Variants in SLC9A8 observed in about 807,000 individuals in gnomAD.
SLC9A8 encodes sodium/hydrogen exchanger 8.
SLC9A8 carries 48 observed loss-of-function variants against 66.6 expected under a neutral mutation model. That is an observed-to-expected ratio of 0.72 (90% CI 0.57 to 0.92). The LOEUF (loss-of-function observed/expected upper bound fraction) is 0.92, where lower values mean the gene tolerates loss of function less well. SLC9A8 is among the 40% of genes least tolerant of loss of function. The probability of loss-of-function intolerance (pLI) is 0.00; values close to 1 mark genes in which losing one functional copy is unlikely to be tolerated. For missense variants in SLC9A8, 599 were observed against 747.3 expected (o/e 0.80, Z 2.31); for synonymous variants, 274 against 282.6 (o/e 0.97, Z 0.31).
At chr20:49,870,348 T>C (rs973196584) in intron 10 of SLC9A8, among the ~76,000 whole-genome samples, 1 of 152,122 alleles carries the variant, frequency 6.6e-6, no homozygotes, top group Admixed American at 6.5e-5. Context: ...AGAGAATGGA[T>C]GGGATCTCAG....
chr20:49,884,935 C>G (rs1461637690), intron 14 of SLC9A8, among the ~76,000 whole-genome samples: 1 of 152,248 alleles, frequency 6.6e-6, no homozygotes, highest in Non-Finnish European at 1.5e-5. Flanking sequence ...GGACATGCAT[C>G]TCTTTCTAGT....
intron 11 of SLC9A8, among the ~76,000 whole-genome samples, chr20:49,875,414 G>A (rs1173866833): frequency 1.3e-5 from 2 of 152,092 alleles, no homozygotes; most frequent in African/African-American, 2.4e-5. Flanking sequence ...AATCCTTAAC[G>A]GGGGATATAG....
chr20:49,832,664 G>T (rs2087255677), intron 3 of SLC9A8, among the ~76,000 whole-genome samples: 1 of 152,126 alleles, frequency 6.6e-6, no homozygotes, highest in African/African-American at 2.4e-5. Context: ...AGAAGACGAG[G>T]TGGGAGGGCA....
intron 3 of SLC9A8, among the ~76,000 whole-genome samples, chr20:49,832,112 G>A (rs576553271): frequency 6.6e-6 from 1 of 152,212 alleles, no homozygotes; most frequent in South Asian, 2.1e-4. Context: ...AGCCTGCCCT[G>A]CCAAGCCCCT....
chr20:49,887,847 A>G lies in SLC9A8; in HGVS notation c.1657A>G (p.Ile553Val). ...GACCCAGGACCTGCACCACGGGCGC[A>G]TCCAGATGAAAACTCTCACCAACAA... ...LTQEDLHHGR[I>V]QMKTLTNKWY... is the part of the protein sequence containing the mutation. Residue 553 changes from isoleucine to valine, a missense_variant, in exon 16 of 16, where the codon ATC becomes GTC. Around this residue, in one of 2 missense-constraint regions of SLC9A8, gnomAD observed 467 missense variants for 626.5 expected, o/e 0.75. Coordinates refer to ENST00000361573, the MANE Select transcript of SLC9A8 (RefSeq NM_015266.3). 6.2e-7 allele frequency: 1 copy of G among 1,611,306 alleles called. No homozygotes were observed. Among genetic ancestry groups the G allele is most frequent in the South Asian group, 1.1e-5 (1 of 90,770 alleles).
At chr20:49,830,496 G>A (rs986802818) in intron 3 of SLC9A8, 19 of 775,458 alleles carry the variant, frequency 2.5e-5, no homozygotes, top group Non-Finnish European at 4.1e-5. Context: ...AAAGTGCTAC[G>A]TGGACATGTC....
At chr20:49,875,599 C>T (rs1183770456) in intron 11 of SLC9A8, among the ~76,000 whole-genome samples, 1 of 152,106 alleles carries the variant, frequency 6.6e-6, no homozygotes, top group African/African-American at 2.4e-5. Context: ...TCCGACATAC[C>T]CATGTATCTC....
intron 3 of SLC9A8, chr20:49,830,782 C>G: frequency 1.1e-6 from 1 of 874,318 alleles, no homozygotes; most frequent in Non-Finnish European, 1.9e-6. Context: ...GCCATGATCA[C>G]TGAGGTGCTG....
intron 6 of SLC9A8, 37 bp from the exon 7 acceptor site, chr20:49,850,773 T>G (rs754330344): frequency 1.0e-4 from 164 of 1,602,018 alleles, no homozygotes; most frequent in Non-Finnish European, 1.4e-4. Flanking sequence ...GTTTTTTTTT[T>G]GTGTGTGTCT....
At chr20:49,877,374 G>T (rs963773635) in intron 11 of SLC9A8, among the ~76,000 whole-genome samples, 23 of 152,122 alleles carry the variant, frequency 1.5e-4, no homozygotes, top group African/African-American at 5.1e-4. Context: ...AGAGAGCCTA[G>T]TGTTAGAAAT....
chr20:49,814,496 A>C (rs1229389206), intron 1 of SLC9A8, among the ~76,000 whole-genome samples: 1 of 152,160 alleles, frequency 6.6e-6, no homozygotes, highest in East Asian at 1.9e-4. Context: ...CGGGTGTGGT[A>C]AGATGGGGTA....
rs770123136 is a variant in SLC9A8, at chr20:49,815,111, C to T, written c.130C>T (p.Pro44Ser). Residue 44 changes from proline (P) to serine (S), a missense_variant, in exon 2 of 16, where the codon CCC (proline) becomes TCC (serine). Coordinates refer to ENST00000361573, the MANE Select transcript of SLC9A8 (RefSeq NM_015266.3). The stretch of plus-strand genomic sequence containing the variant: ...CCCGACCCCTGGCAAGCCCATCCTC[C>T]CCGTGCAGACAGGGGAGCAGGCCCA... ...VLPTPGKPIL[P>S]VQTGEQAQQE... The T allele has an allele frequency of 1.6e-5, 25 of 1,609,366 alleles. No individual in the cohort carries two copies. The highest frequency in any genetic ancestry group is 2.0e-5 in the Non-Finnish European group (24 of 1,178,040).
chr20:49,822,113 G>A (rs1275660617), intron 2 of SLC9A8, among the ~76,000 whole-genome samples: 1 of 152,208 alleles, frequency 6.6e-6, no homozygotes, highest in African/African-American at 2.4e-5. Flanking sequence ...TATTTGGGGT[G>A]TTCAGCCTAG....
chr20:49,830,949 G>T, intron 3 of SLC9A8: 2 of 811,936 alleles, frequency 2.5e-6, no homozygotes, highest in Non-Finnish European at 4.4e-6. Context: ...AAGGATCTCT[G>T]CTTAGCCATT....
At chr20:49,881,266 G>T (rs555883460) in intron 13 of SLC9A8, among the ~76,000 whole-genome samples, 1 of 152,316 alleles carries the variant, frequency 6.6e-6, no homozygotes, top group African/African-American at 2.4e-5. Context: ...CGTGACCACT[G>T]GAGGCAGAGC....
chr20:49,872,092 C>G (rs1215520807), intron 10 of SLC9A8, among the ~76,000 whole-genome samples: 2 of 152,132 alleles, frequency 1.3e-5, no homozygotes, highest in Non-Finnish European at 2.9e-5. Flanking sequence ...GCACTCCAGC[C>G]TGGGTGACAA....
chr20:49,872,034 G>A (rs147810144), intron 10 of SLC9A8, among the ~76,000 whole-genome samples: 2,224 of 152,190 alleles, frequency 0.015, 22 homozygotes, highest in Middle Eastern at 0.037. Context: ...CAGGAGAATC[G>A]CTTGAACCTG....
intron 5 of SLC9A8, among the ~76,000 whole-genome samples, chr20:49,846,667 A>G (rs1402702875): frequency 6.6e-6 from 1 of 152,138 alleles, no homozygotes; most frequent in Non-Finnish European, 1.5e-5. Context: ...TAATCCCAGC[A>G]CTTTGAGAGG....
chr20:49,817,454 GTT>G (rs76109874), intron 2 of SLC9A8, among the ~76,000 whole-genome samples: 20 of 132,176 alleles, frequency 1.5e-4, no homozygotes, highest in East Asian at 6.4e-4. Flanking sequence ...AGGTGCAACT[GTT>G]TTTTTTTTTT....
Sources: gnomAD v4.1 joint callset for allele counts (sites outside exome capture counted in the v4.1 genomes callset) on GRCh38, gnomAD v4.1.1 for gene constraint, gnomAD v4.1.1 regional missense constraint, MANE v1.5 for transcripts, NCBI Gene and HGNC (gene_info 2026-07-23, HGNC 2026-07-21) for gene names.